GALNT13: variants seen among roughly 807,000 people sequenced by gnomAD.
GALNT13 encodes polypeptide N-acetylgalactosaminyltransferase 13.
A neutral mutation model predicts 64.2 loss-of-function variants in GALNT13; 28 were observed. The ratio of observed to expected loss-of-function variants is 0.44; its 90% CI spans 0.32 to 0.60. GALNT13 has a LOEUF of 0.60. Among genes scored for constraint, GALNT13 ranks in the 20% least tolerant of loss-of-function variants. The pLI, the probability that GALNT13 is intolerant of heterozygous loss-of-function variation, is 0.05. For missense variants in GALNT13, 577 were observed against 669.8 expected (o/e 0.86, Z 1.53); for synonymous variants, 214 against 224.6 (o/e 0.95, Z 0.42).
chr2:153,181,035 T>TTTTTTTTTTTTTTTTTTTTTTTTTC, the GALNT13 span, among the ~76,000 whole-genome samples: 2 of 139,252 alleles, frequency 1.4e-5, no homozygotes, highest in African/African-American at 2.6e-5. Flanking sequence ...TGTTTCTTTT[T>TTTTTTTTTTTTTTTTTTTTTTTTTC]TTTTTTTTTT....
the GALNT13 span, among the ~76,000 whole-genome samples, chr2:153,561,465 T>C: frequency 6.6e-6 from 1 of 152,060 alleles, no homozygotes; most frequent in South Asian, 2.1e-4. Context: ...TTTTATAAAA[T>C]ATTTCTAATT....
chr2:153,582,314 T>G, the GALNT13 span, among the ~76,000 whole-genome samples: 1 of 148,852 alleles, frequency 6.7e-6, no homozygotes, highest in South Asian at 2.3e-4. Flanking sequence ...TCAGACTTGC[T>G]TTGTAATTTC....
the GALNT13 span, among the ~76,000 whole-genome samples, chr2:153,723,987 G>T: frequency 3.6e-4 from 54 of 148,776 alleles, no homozygotes; most frequent in African/African-American, 1.3e-3. Flanking sequence ...AAAAGAGCCC[G>T]CATCGCCAAG....
chr2:153,530,972 T>C, the GALNT13 span, among the ~76,000 whole-genome samples: 57 of 152,120 alleles, frequency 3.7e-4, no homozygotes, highest in Non-Finnish European at 6.8e-4. Flanking sequence ...AGGACATTGG[T>C]CTGGGCAAAA....
the GALNT13 span, among the ~76,000 whole-genome samples, chr2:153,824,835 C>A: frequency 6.6e-6 from 1 of 152,090 alleles, no homozygotes; most frequent in Non-Finnish European, 1.5e-5. Context: ...TCCCCTATAC[C>A]TCTCTGTCCC....
the GALNT13 span, among the ~76,000 whole-genome samples, chr2:153,224,424 C>A: frequency 6.6e-6 from 1 of 152,116 alleles, no homozygotes; most frequent in Non-Finnish European, 1.5e-5. Context: ...TACCTCAAAC[C>A]TCAGCATCAC....
At chr2:153,943,337 T>C (rs964134860) in intron 2 of GALNT13, among the ~76,000 whole-genome samples, 4 of 152,188 alleles carry the variant, frequency 2.6e-5, no homozygotes, top group Admixed American at 6.5e-5. Flanking sequence ...GTGCTATCTA[T>C]TCTAAACACA....
At chr2:154,316,363 A>G (rs1487497488) in intron 9 of GALNT13, among the ~76,000 whole-genome samples, 1 of 152,222 alleles carries the variant, frequency 6.6e-6, no homozygotes, top group Non-Finnish European at 1.5e-5. Flanking sequence ...GTACAACTTA[A>G]AAATTTAGAA....
intron 10 of GALNT13, among the ~76,000 whole-genome samples, chr2:154,401,334 G>A (rs756346576): frequency 9.2e-5 from 14 of 152,126 alleles, no homozygotes; most frequent in Non-Finnish European, 1.3e-4. Flanking sequence ...TCTATTTATA[G>A]ATTCACAGTC....
intron 3 of GALNT13, among the ~76,000 whole-genome samples, chr2:154,065,461 C>T (rs1314952545): frequency 6.6e-6 from 1 of 152,178 alleles, no homozygotes; most frequent in Non-Finnish European, 1.5e-5. Context: ...TGACCCAATA[C>T]ATTGCCAGTG....
At chr2:154,029,272 T>C (rs187434865) in intron 3 of GALNT13, among the ~76,000 whole-genome samples, 1,553 of 150,582 alleles carry the variant, frequency 0.01, 13 homozygotes, top group South Asian at 0.018. Context: ...CAGGAATCAC[T>C]CCGAGAAAGG....
intron 4 of GALNT13, among the ~76,000 whole-genome samples, chr2:154,164,799 A>G (rs535790028): frequency 1.3e-5 from 2 of 152,242 alleles, no homozygotes; most frequent in East Asian, 1.9e-4. Context: ...AATCTATACA[A>G]ATTTAGAATT....
the GALNT13 span, among the ~76,000 whole-genome samples, chr2:153,433,095 G>A: frequency 0.013 from 2,004 of 152,064 alleles, 38 homozygotes; most frequent in African/African-American, 0.045. Flanking sequence ...CTTACTGTAA[G>A]AGAATATGGA....
chr2:153,821,385 A>G, the GALNT13 span, among the ~76,000 whole-genome samples: 5 of 152,158 alleles, frequency 3.3e-5, no homozygotes, highest in Non-Finnish European at 7.3e-5. Context: ...AATCATACAA[A>G]CTATACTTTT....
At chr2:153,512,681 C>T in the GALNT13 span, among the ~76,000 whole-genome samples, 1 of 152,128 alleles carries the variant, frequency 6.6e-6, no homozygotes, top group Non-Finnish European at 1.5e-5. Context: ...TAACACCCGG[C>T]ACATATTAAG....
chr2:153,434,271 A>G, the GALNT13 span, among the ~76,000 whole-genome samples: 1 of 152,288 alleles, frequency 6.6e-6, no homozygotes, highest in African/African-American at 2.4e-5. Context: ...GCTATTGTGA[A>G]TAGTGCTGCA....
the GALNT13 span, among the ~76,000 whole-genome samples, chr2:153,425,957 CA>C: frequency 6.6e-6 from 1 of 151,670 alleles, no homozygotes; most frequent in East Asian, 1.9e-4. Context: ...AGCAAAAATC[CA>C]AAAAACATAA....
At chr2:153,259,977 G>T in the GALNT13 span, among the ~76,000 whole-genome samples, 1 of 151,260 alleles carries the variant, frequency 6.6e-6, no homozygotes, top group Non-Finnish European at 1.5e-5. Flanking sequence ...TCTGTTGTGT[G>T]TTTTTTTTAA....
chr2:153,555,440 C>T, the GALNT13 span, among the ~76,000 whole-genome samples: 3 of 104,574 alleles, frequency 2.9e-5, no homozygotes, highest in Admixed American at 2.7e-4. Context: ...GTGATCCGCC[C>T]GCCTCGGCCT....
Sources: allele counts gnomAD v4.1 joint callset (sites outside exome capture counted in the v4.1 genomes callset), GRCh38; gene constraint gnomAD v4.1.1; transcripts MANE v1.5; gene names NCBI Gene and HGNC (gene_info 2026-07-23, HGNC 2026-07-21).